SPOP: variants seen among roughly 807,000 people sequenced by gnomAD.
The protein encoded by SPOP is speckle type BTB/POZ protein, also known as speckle-type POZ protein.
In SPOP, 11 loss-of-function variants were observed where a neutral mutation model predicts 45.6. The observed-to-expected ratio is 0.24, with a 90% CI of 0.15 to 0.40. SPOP has a LOEUF of 0.40. Ranked by LOEUF, SPOP falls within the 10% of genes least tolerant of loss-of-function variation. SPOP has a pLI of 1.00. For synonymous variants in SPOP, 166 were observed against 166.3 expected (o/e 1.00, Z 0.01); for missense variants, 152 against 465.6 (o/e 0.33, Z 6.20).
Position 49,622,873 on chromosome 17 carries a change from C to T in SPOP, c.-63G>A. On this transcript the variant is annotated 5_prime_UTR_variant, in exon 2 of 10. It removes the in-frame stop codon of an upstream open reading frame in the 5' UTR. Coordinates refer to ENST00000504102, the MANE Select transcript of SPOP (RefSeq NM_001007228.2). The stretch of plus-strand genomic sequence containing the variant: ...GGGGCAAAGATTTCTGTTCCCTCTT[C>T]ACCCTGGTCAGATCCAAGAAGCAAG... The T allele has an allele frequency of 7.6e-7, 1 of 1,310,606 alleles. No individual in the cohort carries two copies. The highest frequency in any genetic ancestry group is 1.1e-6 in the Non-Finnish European group (1 of 903,458). 81.2% of individuals were successfully genotyped at this position (1,310,606 alleles called of 1,614,324 possible). A position where few individuals can be genotyped will look rare whatever the true frequency, so the allele number is the denominator to read the frequency against.
rs2071709916 is a variant in SPOP at position 49,599,996 on chromosome 17, A to T, written c.*382T>A. On this transcript the variant is annotated 3_prime_UTR_variant, in exon 10 of 10. Coordinates refer to ENST00000504102, the MANE Select transcript of SPOP (RefSeq NM_001007228.2). ...TCCTTTTCCCTTCTGTTAAAACTCA[A>T]TGTCCTTTCTTTTTTTTTTTTCCTT... 2 of 239,754 alleles carry T rather than the reference A, an allele frequency of 8.3e-6. No individual in the cohort carries two copies. Among genetic ancestry groups the T allele is most frequent in the South Asian group, 3.4e-4 (2 of 5,964 alleles). 14.9% of individuals were successfully genotyped at this position (239,754 alleles called of 1,614,324 possible). A position where few individuals can be genotyped will look rare whatever the true frequency, so the allele number is the denominator to read the frequency against.
At chr17:49,670,117 C>G (rs775399410) in intron 1 of SPOP, among the ~76,000 whole-genome samples, 3 of 152,196 alleles carry the variant, frequency 2.0e-5, no homozygotes, top group Non-Finnish European at 4.4e-5. Context: ...TCTCCCAAAG[C>G]TGCATGACCA....
chr17:49,610,363 C>T (rs1028542953), intron 6 of SPOP, among the ~76,000 whole-genome samples: 2 of 152,080 alleles, frequency 1.3e-5, no homozygotes, highest in African/African-American at 2.4e-5. Context: ...GTATTACAGG[C>T]GCATGCCACG....
At chr17:49,623,909 T>A (rs1179350299) in intron 1 of SPOP, among the ~76,000 whole-genome samples, 1 of 152,184 alleles carries the variant, frequency 6.6e-6, no homozygotes, top group Non-Finnish European at 1.5e-5. Flanking sequence ...GTCAGACATA[T>A]CTTTATGGCA....
At chr17:49,621,678 T>C (rs2072224033) in intron 3 of SPOP, among the ~76,000 whole-genome samples, 1 of 152,226 alleles carries the variant, frequency 6.6e-6, no homozygotes, top group Non-Finnish European at 1.5e-5. Flanking sequence ...TTTATGGATA[T>C]CATTTATAAC....
chr17:49,619,659 G>A lies in SPOP; in HGVS notation c.201-274C>T, dbSNP rs1047474975. On this transcript the variant is annotated intron_variant, in intron 3 of 9. Coordinates refer to ENST00000504102, the MANE Select transcript of SPOP (RefSeq NM_001007228.2). This position sits in a 1 kb window ranked among gnomAD's most constrained non-coding sequence, Gnocchi z 4.9. ...GGTGATCCTCCCACCCCAGCCTCCC[G>A]AGTAGCGGGGACTACAGATGTGCAC... Among the ~76,000 whole-genome samples the A allele has an allele frequency of 3.9e-5, 6 of 151,956 alleles. No individual in the cohort carries two copies. Among genetic ancestry groups the A allele is most frequent in the African/African-American group, 1.2e-4 (5 of 41,360 alleles).
chr17:49,660,234 C>T (rs900708546), intron 1 of SPOP, among the ~76,000 whole-genome samples: 1 of 152,232 alleles, frequency 6.6e-6, no homozygotes, highest in Non-Finnish European at 1.5e-5. Flanking sequence ...GGCCTCCTTG[C>T]TGGTTCCTTG....
intron 1 of SPOP, among the ~76,000 whole-genome samples, chr17:49,632,047 T>A (rs1352910547): frequency 5.3e-5 from 8 of 152,222 alleles, no homozygotes; most frequent in Non-Finnish European, 8.8e-5. Context: ...TAGAATGGCA[T>A]AACAGGCACT....
At chr17:49,659,633 A>C (rs1449384751) in intron 1 of SPOP, among the ~76,000 whole-genome samples, 1 of 152,190 alleles carries the variant, frequency 6.6e-6, no homozygotes, top group Non-Finnish European at 1.5e-5. Context: ...AGTTTGTCCT[A>C]CATGATGTTA....
chr17:49,649,035 G>A (rs995441664), intron 1 of SPOP, among the ~76,000 whole-genome samples: 1 of 152,100 alleles, frequency 6.6e-6, no homozygotes, highest in African/African-American at 2.4e-5. Context: ...GGGATTACAG[G>A]CGTGAGCCAC....
intron 1 of SPOP, among the ~76,000 whole-genome samples, chr17:49,659,076 G>A (rs968803254): frequency 3.3e-5 from 5 of 152,156 alleles, no homozygotes; most frequent in East Asian, 3.8e-4. Context: ...GCTTGAACAC[G>A]GTCATCAAAG....
chr17:49,653,220 T>C (rs1006720380), intron 1 of SPOP, among the ~76,000 whole-genome samples: 1 of 152,156 alleles, frequency 6.6e-6, no homozygotes, highest in Non-Finnish European at 1.5e-5. Flanking sequence ...TCTTCATATA[T>C]GCATTTTATT....
chr17:49,640,529 T>C (rs1275468139), intron 1 of SPOP, among the ~76,000 whole-genome samples: 1 of 152,172 alleles, frequency 6.6e-6, no homozygotes, highest in Admixed American at 6.6e-5. Flanking sequence ...AAGGTTTAAA[T>C]CTACATATGA....
At chr17:49,648,560 A>G (rs2072793879) in intron 1 of SPOP, among the ~76,000 whole-genome samples, 1 of 152,158 alleles carries the variant, frequency 6.6e-6, no homozygotes, top group Admixed American at 6.5e-5. Flanking sequence ...CCTGCTATGA[A>G]TGTTTCATGT....
intron 1 of SPOP, among the ~76,000 whole-genome samples, chr17:49,657,460 G>A (rs138316567): frequency 2.8e-4 from 42 of 152,078 alleles, no homozygotes; most frequent in African/African-American, 9.2e-4. Context: ...GTACAATGGC[G>A]TGATCTCGGC....
In SPOP at chr17:49,667,167, A is replaced by C. The variant is rs1441554674; in HGVS notation, c.-67+10766T>G. Among the ~76,000 whole-genome samples, 3 of 149,412 alleles carry C rather than the reference A, an allele frequency of 2.0e-5. No individual in the cohort carries two copies. In the East Asian group the frequency reaches 5.9e-4, roughly 30 times the overall value. ...CATTTCAGCCTAGGCGACAAGAATG[A>C]AACGCTGTCTTAAAAAAAAAAAAAA... On this transcript the variant is annotated intron_variant, in intron 1 of 9. Transcript: ENST00000504102.
intron 8 of SPOP, among the ~76,000 whole-genome samples, chr17:49,602,707 G>A (rs528781418): frequency 2.0e-5 from 3 of 152,340 alleles, no homozygotes; most frequent in Admixed American, 1.3e-4. Context: ...TACTGGGGTT[G>A]AGGTTAAGCT....
rs577102815 is a variant in SPOP at position 49,628,651 on chromosome 17, T to C, written c.-66-5775A>G. Among the ~76,000 whole-genome samples, 23 of 152,302 alleles carry C rather than the reference T, an allele frequency of 1.5e-4. No individual in the cohort carries two copies. The East Asian group carries it at 1.7e-3, about 11-fold the overall frequency. On this transcript the variant is annotated intron_variant, in intron 1 of 9. Coordinates refer to ENST00000504102, the MANE Select transcript of SPOP (RefSeq NM_001007228.2). ...CACTTTGGATTTCAGATTAGGAATG[T>C]TGAAACAGTAAGTACGTAACAAAAC...
intron 1 of SPOP, among the ~76,000 whole-genome samples, chr17:49,627,668 T>A (rs1377646500): frequency 6.6e-6 from 1 of 152,236 alleles, no homozygotes; most frequent in Non-Finnish European, 1.5e-5. Context: ...GGCCAAATTT[T>A]AATAACTGGT....
Sources: allele counts gnomAD v4.1 joint callset (sites outside exome capture counted in the v4.1 genomes callset), GRCh38; gene constraint gnomAD v4.1.1; non-coding constraint Gnocchi (gnomAD v3.1); transcripts MANE v1.5; gene names NCBI Gene and HGNC (gene_info 2026-07-23, HGNC 2026-07-21).